The following EIF2AK2 variants were observed in gnomAD, a reference collection of about 807,000 sequenced individuals.
The protein encoded by EIF2AK2 is interferon-induced, double-stranded RNA-activated protein kinase.
A neutral mutation model predicts 70.5 loss-of-function variants in EIF2AK2; 40 were observed. The observed-to-expected ratio is 0.57, with a 90% CI of 0.44 to 0.74. The LOEUF (loss-of-function observed/expected upper bound fraction) is 0.74, where lower values mean the gene tolerates loss of function less well. EIF2AK2 is among the 30% of genes least tolerant of loss of function. The pLI is 0.00. For missense variants in EIF2AK2, 555 were observed against 644.3 expected (o/e 0.86, Z 1.50); for synonymous variants, 198 against 220.9 (o/e 0.90, Z 0.92).
At chr2:37,125,002 T>C (rs1674682240) in intron 11 of EIF2AK2, among the ~76,000 whole-genome samples, 2 of 151,916 alleles carry the variant, frequency 1.3e-5, no homozygotes, top group Non-Finnish European at 2.9e-5. Context: ...TAGTATTCTT[T>C]TTATTATTTT....
chr2:37,123,793 C>A (rs1477453823), intron 11 of EIF2AK2, among the ~76,000 whole-genome samples: 1 of 151,928 alleles, frequency 6.6e-6, no homozygotes, highest in African/African-American at 2.4e-5. Flanking sequence ...GTTGCCAAGA[C>A]CTAAGAAAAT....
chr2:37,152,480 G>A (rs1252822800), intron 1 of EIF2AK2, among the ~76,000 whole-genome samples: 2 of 152,084 alleles, frequency 1.3e-5, no homozygotes, highest in East Asian at 1.9e-4. Flanking sequence ...GAGGTTTCCC[G>A]GTGTTGGCCA....
chr2:37,148,673 C>CTT, intron 2 of EIF2AK2, 184 bp downstream of exon 2: 1 of 817,956 alleles, frequency 1.2e-6, no homozygotes, highest in Non-Finnish European at 2.2e-6. Flanking sequence ...TGGAAGGACA[C>CTT]TTTCTAGGAA....
rs578242762 is a variant in EIF2AK2, at chr2:37,137,012, A to G, written c.693T>C (p.Gly231=). 2 of 1,604,114 alleles carry G rather than the reference A, an allele frequency of 1.2e-6. No homozygotes were observed. Among genetic ancestry groups the G allele is most frequent in the African/African-American group, 2.7e-5 (2 of 74,614 alleles). Residue 231 remains glycine, a synonymous_variant, in exon 9 of 17, where the codon GGT becomes GGC. Transcript: ENST00000233057. ...TTGCCTTCCTTTGATTATTTCTGAGACCATTCTATAACAAAAGAAAATGAG... is the reference window on the plus strand; with the variant it reads ...TTGCCTTCCTTTGATTATTTCTGAGGCCATTCTATAACAAAAGAAAATGAG... ...SLNSSSLLMN[G]LRNNQRKAKR...
intron 3 of EIF2AK2, 42 bp from the exon 4 acceptor site, chr2:37,147,015 T>C (rs2148711893): frequency 1.9e-6 from 3 of 1,570,710 alleles, no homozygotes; most frequent in Non-Finnish European, 2.6e-6. Flanking sequence ...ATACAACTCA[T>C]GCACTATCTA....
chr2:37,152,636 C>T lies in EIF2AK2; in HGVS notation c.-183-3613G>A, dbSNP rs149895152. Among the ~76,000 whole-genome samples, 25 of 152,240 alleles carry T rather than the reference C, an allele frequency of 1.6e-4. No individual in the cohort carries two copies. In the East Asian group the frequency reaches 4.4e-3, roughly 27 times the overall value. ...TGTAGCTCTAAATGCTGGCATGGCC[C>T]AACAATCCTCTTCTCTTCACTCTAT... On this transcript the variant is annotated intron_variant, in intron 1 of 16. Transcript: ENST00000233057.
In EIF2AK2 at chr2:37,122,524, T is replaced by C. The variant is rs1674592163; in HGVS notation, c.1049A>G (p.Asn350Ser). ...TAGTTACCTTGAACTATTTTTGCTG[T>C]TCTCAGGATCATAATCACTGCTCTC... Reference protein sequence around the residue: ...SLESSDYDPENSKNSSRSKTK... With the variant: ...SLESSDYDPESSKNSSRSKTK... Residue 350 changes from asparagine to serine, a missense_variant, in exon 12 of 17, where the codon AAC (asparagine) becomes AGC (serine). Coordinates refer to ENST00000233057, the MANE Select transcript of EIF2AK2 (RefSeq NM_001135651.3). 1 of 1,612,850 alleles carries C rather than the reference T, an allele frequency of 6.2e-7. No individual in the cohort carries two copies. The highest frequency in any genetic ancestry group is 8.5e-7 in the Non-Finnish European group (1 of 1,179,764).
Position 37,101,324 on chromosome 2 carries a change from T to C in EIF2AK2, c.*5949A>G, listed in dbSNP as rs1168485328. 2 of 152,232 alleles carry C rather than the reference T, an allele frequency of 1.3e-5. No homozygotes were observed. The highest frequency in any genetic ancestry group is 2.9e-5 in the Non-Finnish European group (2 of 68,040). 9.4% of individuals were successfully genotyped at this position (152,232 alleles called of 1,614,324 possible). A position where few individuals can be genotyped will look rare whatever the true frequency, so the allele number is the denominator to read the frequency against. On this transcript the variant is annotated 3_prime_UTR_variant, in exon 17 of 17. Coordinates refer to ENST00000233057, the MANE Select transcript of EIF2AK2 (RefSeq NM_001135651.3). ...TTCCTTAAAGAAGAATCATAGATGA[T>C]AAATGCAAGAGGTTTGATAGAACCA...
chr2:37,153,931 C>T (rs1459123449), intron 1 of EIF2AK2, among the ~76,000 whole-genome samples: 1 of 152,236 alleles, frequency 6.6e-6, no homozygotes, highest in Non-Finnish European at 1.5e-5. Flanking sequence ...TGTTACATTT[C>T]CACCAGCAAT....
intron 1 of EIF2AK2, chr2:37,149,375 T>G: frequency 3.6e-6 from 2 of 549,780 alleles, no homozygotes; most frequent in Non-Finnish European, 6.4e-6. Context: ...AGATACATTT[T>G]AAGCTTGATT....
In EIF2AK2 at chr2:37,146,179, C is replaced by A. The variant is rs548360945; in HGVS notation, c.240+674G>T. ...AGTACAATAATATGCTGTATAGGTT[C>A]GTAGTCTAGGAGCAATAAGCTATAC... is the stretch of plus-strand genomic sequence containing the variant. On this transcript the variant is annotated intron_variant, in intron 4 of 16. Transcript: ENST00000233057. Among the ~76,000 whole-genome samples, 7 of 152,208 alleles carry A rather than the reference C, an allele frequency of 4.6e-5. No individual in the cohort carries two copies. In the South Asian group the frequency reaches 1.5e-3, roughly 32 times the overall value.
At chr2:37,141,945 G>C (rs1169380739) in intron 4 of EIF2AK2, among the ~76,000 whole-genome samples, 1 of 152,110 alleles carries the variant, frequency 6.6e-6, no homozygotes. Flanking sequence ...TCCTTGGAAA[G>C]TACTATAACA....
chr2:37,107,277 CAT>C lies in EIF2AK2; in HGVS notation c.1650_1651del (p.Cys551LeufsTer5), dbSNP rs768481954. The C allele has an allele frequency of 2.5e-6, 4 of 1,612,562 alleles. No homozygotes were observed. Among genetic ancestry groups the C allele is most frequent in the East Asian group, 2.2e-5 (1 of 44,858 alleles). On this transcript the variant is annotated frameshift_variant, in exon 17 of 17. Transcript: ENST00000233057. LOFTEE classifies it high-confidence loss of function. ...GGATACTTTTTCAGAAGGGCTCTAACATGTGTGTCGTTCATTTTTCTCTGGGC... is the reference window on the plus strand; with the variant it reads ...GGATACTTTTTCAGAAGGGCTCTAACGTGTGTCGTTCATTTTTCTCTGGGC...
intron 1 of EIF2AK2, among the ~76,000 whole-genome samples, chr2:37,156,117 G>C (rs1675914583): frequency 6.6e-6 from 1 of 152,114 alleles, no homozygotes; most frequent in African/African-American, 2.4e-5. Context: ...CAGGATAAGG[G>C]AGGGATTTCC....
chr2:37,136,944 C>T (rs752020889), intron 9 of EIF2AK2, 39 bp downstream of exon 9: 1 of 1,566,558 alleles, frequency 6.4e-7, no homozygotes, highest in Non-Finnish European at 8.7e-7. Context: ...TGAAATAAAA[C>T]TTCAGATCAA....
chr2:37,110,557 C>T (rs1221590120), intron 14 of EIF2AK2, among the ~76,000 whole-genome samples: 1 of 152,134 alleles, frequency 6.6e-6, no homozygotes, highest in Non-Finnish European at 1.5e-5. Context: ...CTATTGTGTT[C>T]TATATTTTTT....
rs897904081 is a variant in EIF2AK2 at position 37,103,980 on chromosome 2, A to T, written c.*3293T>A. On this transcript the variant is annotated 3_prime_UTR_variant, in exon 17 of 17. Coordinates refer to ENST00000233057, the MANE Select transcript of EIF2AK2 (RefSeq NM_001135651.3). ...ATGGTGAAATTCCGTCTCTACTAAA[A>T]ATAGAAAAAATTAACCTGGAGTGGT... The T allele has an allele frequency of 1.3e-5, 2 of 152,164 alleles. No individual in the cohort carries two copies. The highest frequency in any genetic ancestry group is 4.8e-5 in the African/African-American group (2 of 41,430). 9.4% of individuals were successfully genotyped at this position (152,164 alleles called of 1,614,324 possible).
chr2:37,115,445 G>C (rs1674309266), intron 13 of EIF2AK2, among the ~76,000 whole-genome samples: 1 of 151,976 alleles, frequency 6.6e-6, no homozygotes, highest in African/African-American at 2.4e-5. Context: ...CACGTGCAAG[G>C]TGGATTCACT....
intron 12 of EIF2AK2, among the ~76,000 whole-genome samples, chr2:37,121,498 C>T (rs866973377): frequency 6.6e-6 from 1 of 151,836 alleles, no homozygotes; most frequent in African/African-American, 2.4e-5. Flanking sequence ...TATATCCTTG[C>T]CGTCACGGGG....
Sources: gnomAD v4.1 joint callset for allele counts (sites outside exome capture counted in the v4.1 genomes callset) on GRCh38, gnomAD v4.1.1 for gene constraint, MANE v1.5 for transcripts, NCBI Gene and HGNC (gene_info 2026-07-23, HGNC 2026-07-21) for gene names.